ADAMTS9: variants seen among roughly 807,000 people sequenced by gnomAD.
The protein encoded by ADAMTS9 is A disintegrin and metalloproteinase with thrombospondin motifs 9.
ADAMTS9 carries 107 observed loss-of-function variants against 257.1 expected under a neutral mutation model. That is an observed-to-expected ratio of 0.42 (90% CI 0.36 to 0.49). The LOEUF (loss-of-function observed/expected upper bound fraction) is 0.49, where lower values mean the gene tolerates loss of function less well. Ranked by LOEUF, ADAMTS9 falls within the 20% of genes least tolerant of loss-of-function variation. The pLI, the probability that ADAMTS9 is intolerant of heterozygous loss-of-function variation, is 0.03. For missense variants in ADAMTS9, 2,353 were observed against 2,469.1 expected (o/e 0.95, Z 1.00); for synonymous variants, 982 against 880.9 (o/e 1.11, Z -2.03).
Position 64,616,101 on chromosome 3 carries a change from G to A in ADAMTS9, c.2883C>T (p.Tyr961=), listed in dbSNP as rs751559757. The A allele has an allele frequency of 1.2e-6, 2 of 1,614,156 alleles. No individual in the cohort carries two copies. The highest frequency in any genetic ancestry group is 1.7e-6 in the Non-Finnish European group (2 of 1,180,006). ...CATCCAGCCTGCTATATTTGGCACA[G>A]TAGATGTCCAATGTGCGGTAACCCA... ...CGLGYRTLDI[Y]CAKYSRLDGK... Residue 961 remains tyrosine (Y), a synonymous_variant, in exon 20 of 40, where the codon TAC becomes TAT. Transcript: ENST00000498707.
intron 30 of ADAMTS9, among the ~76,000 whole-genome samples, chr3:64,556,162 C>A (rs1446522806): frequency 6.6e-6 from 1 of 152,140 alleles, no homozygotes; most frequent in Non-Finnish European, 1.5e-5. Flanking sequence ...AAGTATGTAT[C>A]AGAGTGGCCC....
At chr3:64,569,699 A>C (rs2083631490) in intron 28 of ADAMTS9, among the ~76,000 whole-genome samples, 1 of 152,256 alleles carries the variant, frequency 6.6e-6, no homozygotes, top group Admixed American at 6.5e-5. Context: ...CACTATAAAA[A>C]GTTCAATAGT....
At chr3:64,654,327 A>G (rs1701004198) in intron 8 of ADAMTS9, 26 bp downstream of exon 8, 1 of 1,600,180 alleles carries the variant, frequency 6.2e-7, no homozygotes, top group East Asian at 2.2e-5. Context: ...CTCCAAATTA[A>G]ATGAAATTAC....
At chr3:64,567,231 C>G (rs372097660) in intron 29 of ADAMTS9, among the ~76,000 whole-genome samples, 4 of 152,072 alleles carry the variant, frequency 2.6e-5, no homozygotes, top group African/African-American at 9.7e-5. Context: ...TACGCTATGA[C>G]CAAAGCTGCT....
chr3:64,613,934 T>C (rs1157364293), intron 21 of ADAMTS9, among the ~76,000 whole-genome samples: 1 of 152,144 alleles, frequency 6.6e-6, no homozygotes, highest in East Asian at 1.9e-4. Flanking sequence ...GAAAACTAAA[T>C]GAAACAAATA....
chr3:64,656,784 T>A (rs990146303), intron 4 of ADAMTS9, among the ~76,000 whole-genome samples: 9 of 150,470 alleles, frequency 6.0e-5, no homozygotes, highest in African/African-American at 2.2e-4. Context: ...CCAGGCAGGG[T>A]TGGGGGGCGC....
In ADAMTS9 at chr3:64,541,391, A is replaced by G. The variant is rs1203536982; in HGVS notation, c.5316T>C (p.Ser1772=). ...LLKIFCAGMH[S]DHPKEYVTLV... ...GTGTCACGTACTCTTTGGGGTGGTC[A>G]GAGTGCATCCCCGCACAGAATATCT... The change falls in exon 35 of 40, where the codon TCT becomes TCC. Residue 1772 remains serine, a synonymous_variant. Coordinates refer to ENST00000498707, the MANE Select transcript of ADAMTS9 (RefSeq NM_182920.2). The G allele has an allele frequency of 6.2e-7, 1 of 1,614,166 alleles. No individual in the cohort carries two copies. Among genetic ancestry groups the G allele is most frequent in the East Asian group, 2.2e-5 (1 of 44,866 alleles).
intron 22 of ADAMTS9, among the ~76,000 whole-genome samples, chr3:64,610,103 T>C (rs999658383): frequency 2.0e-5 from 3 of 152,192 alleles, no homozygotes; most frequent in African/African-American, 4.8e-5. Flanking sequence ...TTATGCTATA[T>C]ACAATAATTA....
At chr3:64,674,625 A>C (rs190656967) in intron 3 of ADAMTS9, among the ~76,000 whole-genome samples, 1 of 152,336 alleles carries the variant, frequency 6.6e-6, no homozygotes, top group East Asian at 1.9e-4. Flanking sequence ...GAATGCAGAA[A>C]GTGTGTGGTG....
rs927950144 is a variant in ADAMTS9, at chr3:64,522,874, T to C, written c.5719-614A>G. Reference sequence around the variant, plus strand: ...CAATGGCATGTGGATTATTTTGTTATCAAATTTAGATGACAAAGGATTGTG... The same window carrying C: ...CAATGGCATGTGGATTATTTTGTTACCAAATTTAGATGACAAAGGATTGTG... On this transcript the variant is annotated intron_variant, in intron 38 of 39. Coordinates refer to ENST00000498707, the MANE Select transcript of ADAMTS9 (RefSeq NM_182920.2). Among the ~76,000 whole-genome samples, 5 of 152,300 alleles carry C rather than the reference T, an allele frequency of 3.3e-5. No individual in the cohort carries two copies. In the Middle Eastern group the frequency reaches 0.01, roughly 311 times the overall value.
Position 64,565,149 on chromosome 3 carries a change from T to C in ADAMTS9, c.4524+3219A>G, listed in dbSNP as rs145803489. Among the ~76,000 whole-genome samples the C allele has an allele frequency of 9.4e-4, 143 of 152,332 alleles. 1 individual carries two copies. The highest frequency in any genetic ancestry group is 3.3e-3 in the African/African-American group (136 of 41,580). The stretch of plus-strand genomic sequence containing the variant: ...CAACTCTAGTTCTCCTCACTGACCA[T>C]GTGCATATGGCTTCCTTAATTTCTC... On this transcript the variant is annotated intron_variant, in intron 29 of 39. Transcript: ENST00000498707.
At chr3:64,579,139 C>T (rs1001139432) in intron 28 of ADAMTS9, among the ~76,000 whole-genome samples, 1 of 152,158 alleles carries the variant, frequency 6.6e-6, no homozygotes, top group Admixed American at 6.6e-5. Flanking sequence ...CCTCCATGTT[C>T]GTCTCCCTCA....
In ADAMTS9 at chr3:64,620,555, C is replaced by T. The variant is rs146736426; in HGVS notation, c.2813+559G>A. Among the ~76,000 whole-genome samples the T allele has an allele frequency of 1.7e-4, 26 of 152,292 alleles. No homozygotes were observed. The East Asian group carries it at 5.0e-3, about 29-fold the overall frequency. On this transcript the variant is annotated intron_variant, in intron 19 of 39. Coordinates refer to ENST00000498707, the MANE Select transcript of ADAMTS9 (RefSeq NM_182920.2). ...AGGCAAATAGAAAAGCTTCAGAATG[C>T]TCTACCCACCCAGTATTTCCTGCCT...
chr3:64,654,854 G>C (rs903745638), intron 6 of ADAMTS9, among the ~76,000 whole-genome samples: 4 of 152,212 alleles, frequency 2.6e-5, no homozygotes, highest in African/African-American at 9.6e-5. Flanking sequence ...AGAGCAGTAA[G>C]AAATCTCTCC....
intron 2 of ADAMTS9, among the ~76,000 whole-genome samples, chr3:64,685,760 C>T (rs977824203): frequency 7.2e-5 from 11 of 152,310 alleles, no homozygotes; most frequent in African/African-American, 2.6e-4. Context: ...TCCCTCTCTC[C>T]ACTCCCTGGA....
chr3:64,541,012 T>C, intron 36 of ADAMTS9, 83 bp downstream of exon 36: 1 of 1,565,918 alleles, frequency 6.4e-7, no homozygotes, highest in South Asian at 1.2e-5. Flanking sequence ...CGCACCTCCC[T>C]GCTAGCCAAT....
At chr3:64,545,285 G>A (rs968428699) in intron 32 of ADAMTS9, among the ~76,000 whole-genome samples, 1 of 152,174 alleles carries the variant, frequency 6.6e-6, no homozygotes, top group Non-Finnish European at 1.5e-5. Context: ...TATAAATCAT[G>A]CTGCTATAAA....
At chr3:64,600,956 C>T (rs2084448524) in intron 26 of ADAMTS9, among the ~76,000 whole-genome samples, 1 of 152,074 alleles carries the variant, frequency 6.6e-6, no homozygotes, top group Non-Finnish European at 1.5e-5. Flanking sequence ...AAAGAAGACC[C>T]CTGAATAATT....
intron 29 of ADAMTS9, among the ~76,000 whole-genome samples, chr3:64,562,358 A>G (rs988992780): frequency 6.6e-6 from 1 of 152,214 alleles, no homozygotes; most frequent in Non-Finnish European, 1.5e-5. Flanking sequence ...TGAAGAATAA[A>G]AGCTGACAGG....
Sources: gnomAD v4.1 joint callset for allele counts (sites outside exome capture counted in the v4.1 genomes callset) on GRCh38, gnomAD v4.1.1 for gene constraint, MANE v1.5 for transcripts, NCBI Gene and HGNC (gene_info 2026-07-23, HGNC 2026-07-21) for gene names.